The following SPTBN1 variants were observed in gnomAD, a reference collection of about 807,000 sequenced individuals.
The protein encoded by SPTBN1 is spectrin beta chain, non-erythrocytic 1.
SPTBN1 carries 32 observed loss-of-function variants against 266.4 expected under a neutral mutation model. The observed-to-expected ratio is 0.12, with a 90% CI of 0.09 to 0.16. The LOEUF is 0.16. Ranked by LOEUF, SPTBN1 falls within the 10% of genes least tolerant of loss-of-function variation. SPTBN1 has a pLI of 1.00. For missense variants in SPTBN1, 2,296 were observed against 3,067.1 expected (o/e 0.75, Z 5.94); for synonymous variants, 1,336 against 1,162.2 (o/e 1.15, Z -3.04).
chr2:54,500,635 T>C (rs950456876), intron 1 of SPTBN1, among the ~76,000 whole-genome samples: 3 of 152,168 alleles, frequency 2.0e-5, no homozygotes, highest in African/African-American at 7.2e-5. Context: ...AACCTCTGCC[T>C]CCCAGGCTCA....
intron 2 of SPTBN1, among the ~76,000 whole-genome samples, chr2:54,573,526 G>A (rs941440067): frequency 5.3e-5 from 8 of 152,256 alleles, no homozygotes; most frequent in African/African-American, 1.4e-4. Flanking sequence ...GACCAATACC[G>A]GTCTGTGACC....
At chr2:54,611,634 A>G (rs985075736) in intron 3 of SPTBN1, among the ~76,000 whole-genome samples, 1 of 151,978 alleles carries the variant, frequency 6.6e-6, no homozygotes, top group Non-Finnish European at 1.5e-5. Context: ...TCAGTAAGTT[A>G]TACTTCTTTA....
At chr2:54,611,175 T>G (rs1376211297) in intron 3 of SPTBN1, among the ~76,000 whole-genome samples, 1 of 152,228 alleles carries the variant, frequency 6.6e-6, no homozygotes, top group East Asian at 1.9e-4. Flanking sequence ...CTATATATAT[T>G]TTATGCATTC....
rs1313211559 is a variant in SPTBN1 at position 54,670,575 on chromosome 2, A to G, written c.*2006A>G. 5.0e-6 allele frequency: 2 copies of G among 397,820 alleles called. No individual in the cohort carries two copies. The highest frequency in any genetic ancestry group is 2.1e-5 in the African/African-American group (1 of 48,748). The allele number at this position is 397,820 out of a possible 1,614,324, so 24.6% of individuals were successfully genotyped here. On this transcript the variant is annotated 3_prime_UTR_variant, in exon 36 of 36. Coordinates refer to ENST00000356805, the MANE Select transcript of SPTBN1 (RefSeq NM_003128.3). Reference sequence around the variant, plus strand: ...TTGGAATCAAGTTGTTCTATTCTCAACAGACCAAAATGTTTAGTTAAGGCA... The same window carrying G: ...TTGGAATCAAGTTGTTCTATTCTCAGCAGACCAAAATGTTTAGTTAAGGCA...
intron 1 of SPTBN1, among the ~76,000 whole-genome samples, chr2:54,475,132 G>C (rs1667758752): frequency 6.6e-6 from 1 of 152,180 alleles, no homozygotes; most frequent in Admixed American, 6.5e-5. Flanking sequence ...CTTGAGCCCG[G>C]GAGGCAGAGG....
intron 1 of SPTBN1, among the ~76,000 whole-genome samples, chr2:54,457,508 T>A (rs2103764595): frequency 6.6e-6 from 1 of 152,140 alleles, no homozygotes; most frequent in African/African-American, 2.4e-5. Flanking sequence ...ACAGGGTGCG[T>A]GTGGGGGTGC....
At chr2:54,587,505 T>C (rs1286632957) in intron 2 of SPTBN1, among the ~76,000 whole-genome samples, 1 of 152,228 alleles carries the variant, frequency 6.6e-6, no homozygotes, top group Non-Finnish European at 1.5e-5. Context: ...ATGGTATCTA[T>C]TTAGTTCTAA....
intron 6 of SPTBN1, 58 bp from the exon 7 acceptor site, chr2:54,618,020 T>TA: frequency 7.5e-7 from 1 of 1,337,822 alleles, no homozygotes; most frequent in Non-Finnish European, 1.1e-6. Context: ...CATGTTTCAT[T>TA]AGTCATATTT....
chr2:54,560,751 T>C (rs938030065), intron 2 of SPTBN1, among the ~76,000 whole-genome samples: 6 of 152,232 alleles, frequency 3.9e-5, no homozygotes, highest in African/African-American at 1.4e-4. Context: ...TGCACAAGTT[T>C]AGTGTTGGTA....
At chr2:54,571,334 A>G (rs1350141565) in intron 2 of SPTBN1, among the ~76,000 whole-genome samples, 1 of 152,142 alleles carries the variant, frequency 6.6e-6, no homozygotes, top group Non-Finnish European at 1.5e-5. Context: ...TTCAGGGGGA[A>G]AGAATAAATA....
At chr2:54,630,825 C>T (rs1374961608) in intron 15 of SPTBN1, 30 bp from the exon 16 acceptor site, 2 of 1,530,100 alleles carry the variant, frequency 1.3e-6, no homozygotes, top group Non-Finnish European at 1.8e-6. Context: ...TTCCCTTTTT[C>T]ACACTCGCTG....
intron 1 of SPTBN1, among the ~76,000 whole-genome samples, chr2:54,488,751 A>G (rs1668537834): frequency 6.6e-6 from 1 of 152,118 alleles, no homozygotes; most frequent in African/African-American, 2.4e-5. Flanking sequence ...TGTGTAGGGA[A>G]AAAAAATAAC....
At chr2:54,560,150 T>A (rs1328796945) in intron 2 of SPTBN1, among the ~76,000 whole-genome samples, 1 of 115,620 alleles carries the variant, frequency 8.6e-6, no homozygotes, top group Non-Finnish European at 1.7e-5. Flanking sequence ...AAACTTAAGC[T>A]GGGGGCGCTT....
At chr2:54,522,706 A>AAGAAAGAAAGAAC in intron 1 of SPTBN1, among the ~76,000 whole-genome samples, 1 of 147,622 alleles carries the variant, frequency 6.8e-6, no homozygotes, top group Admixed American at 6.7e-5. Flanking sequence ...AGAGAAAGAA[A>AAGAAAGAAAGAAC]GAAAGGAAAG....
intron 2 of SPTBN1, among the ~76,000 whole-genome samples, chr2:54,596,391 T>A (rs1297634571): frequency 2.0e-5 from 3 of 152,226 alleles, no homozygotes; most frequent in Non-Finnish European, 4.4e-5. Context: ...AAGCATTTGC[T>A]GTTCTCCAAG....
At chr2:54,462,241 C>T (rs1488884408) in intron 1 of SPTBN1, among the ~76,000 whole-genome samples, 1 of 152,202 alleles carries the variant, frequency 6.6e-6, no homozygotes, top group African/African-American at 2.4e-5. Flanking sequence ...AGCACTATGA[C>T]CCACTGATCC....
chr2:54,600,867 T>C (rs1676456413), intron 3 of SPTBN1, among the ~76,000 whole-genome samples: 1 of 151,998 alleles, frequency 6.6e-6, no homozygotes, highest in Non-Finnish European at 1.5e-5. Flanking sequence ...TCCAATCTTC[T>C]AGGCTGTAGG....
At chr2:54,475,679 A>C (rs1011680564) in intron 1 of SPTBN1, among the ~76,000 whole-genome samples, 5 of 152,234 alleles carry the variant, frequency 3.3e-5, no homozygotes, top group Non-Finnish European at 5.9e-5. Context: ...ATGAAACTCA[A>C]AACTATTTTT....
rs1279008105 is a variant in SPTBN1 at position 54,558,485 on chromosome 2, G to T, written c.148+31919G>T. On this transcript the variant is annotated intron_variant, in intron 2 of 35. Transcript: ENST00000356805. This position sits in a 1 kb window ranked among gnomAD's most constrained non-coding sequence, Gnocchi z 4.6. Reference sequence around the variant, plus strand: ...TTAAAAGTTCTGAAGTAGAACCTGCGCCTCCTCTCTGCTTCTCCCTCCTCC... The same window carrying T: ...TTAAAAGTTCTGAAGTAGAACCTGCTCCTCCTCTCTGCTTCTCCCTCCTCC... The T allele has an allele frequency of 1.8e-6, 2 of 1,135,326 alleles. No homozygotes were observed. Among genetic ancestry groups the T allele is most frequent in the Non-Finnish European group, 2.2e-6 (2 of 925,532 alleles). The allele number at this position is 1,135,326 out of a possible 1,614,324, so 70.3% of individuals were successfully genotyped here.
Sources: allele counts gnomAD v4.1 joint callset (sites outside exome capture counted in the v4.1 genomes callset), GRCh38; gene constraint gnomAD v4.1.1; non-coding constraint Gnocchi (gnomAD v3.1); transcripts MANE v1.5; gene names NCBI Gene and HGNC (gene_info 2026-07-23, HGNC 2026-07-21).